Variants in PLCH1 observed in about 807,000 individuals in gnomAD.
The protein encoded by PLCH1 is 1-phosphatidylinositol 4,5-bisphosphate phosphodiesterase eta-1.
A neutral mutation model predicts 126.7 loss-of-function variants in PLCH1; 60 were observed. The observed-to-expected ratio is 0.47, with a 90% confidence interval of 0.38 to 0.59. The LOEUF (loss-of-function observed/expected upper bound fraction) is 0.59. Ranked by LOEUF, PLCH1 falls within the 20% of genes least tolerant of loss-of-function variation. PLCH1 has a pLI of 0.00. For synonymous variants in PLCH1, 719 were observed against 734.9 expected, an observed-to-expected ratio of 0.98 and a Z score of 0.35; for missense variants, 1,723 against 2,040.0, an observed-to-expected ratio of 0.84 and a Z score of 2.99.
downstream of PLCH1, among the ~76,000 whole-genome samples, chr3:155,477,072 A>G (rs188343847): frequency 1.5e-3 from 235 of 152,282 alleles, 1 homozygote; most frequent in African/African-American, 5.4e-3. Context: ...AATGGAACAC[A>G]ATAGAAAATG....
chr3:155,641,481 G>T (rs964006738), intron 2 of PLCH1, among the ~76,000 whole-genome samples: 1 of 151,980 alleles, frequency 6.6e-6, no homozygotes, highest in African/African-American at 2.4e-5. Context: ...AAAAGCTGAG[G>T]AATTTTATCA....
chr3:155,613,692 A>G (rs557054327), intron 2 of PLCH1, among the ~76,000 whole-genome samples: 322 of 152,306 alleles, frequency 2.1e-3, no homozygotes, highest in African/African-American at 7.2e-3. Flanking sequence ...CACAGACAAC[A>G]TATACTGAAT....
chr3:155,517,775 A>T, intron 11 of PLCH1, among the ~76,000 whole-genome samples: 1 of 152,210 alleles, frequency 6.6e-6, no homozygotes, highest in African/African-American at 2.4e-5. Context: ...AGTGGCCACA[A>T]ATGAACCCAC....
chr3:155,568,919 C>A (rs1290064385), intron 6 of PLCH1, among the ~76,000 whole-genome samples: 1 of 152,086 alleles, frequency 6.6e-6, no homozygotes, highest in Non-Finnish European at 1.5e-5. Flanking sequence ...AGACTGCTTG[C>A]GTTCAAATCA....
At chr3:155,596,728 A>G (rs9854381) in intron 2 of PLCH1, among the ~76,000 whole-genome samples, 2,236 of 152,298 alleles carry the variant, frequency 0.015, 56 homozygotes, top group African/African-American at 0.051. Flanking sequence ...AAGTCTTGTG[A>G]GTTTTTATAG....
chr3:155,726,403 T>G (rs1454270795), intron 1 of PLCH1, among the ~76,000 whole-genome samples: 1 of 152,232 alleles, frequency 6.6e-6, no homozygotes, highest in Non-Finnish European at 1.5e-5. Context: ...GATAATATTC[T>G]ATTGTCTTCT....
At chr3:155,473,571 A>G (rs927130087) in intron 21 of PLCH1, among the ~76,000 whole-genome samples, 53 of 151,478 alleles carry the variant, frequency 3.5e-4, no homozygotes, top group Middle Eastern at 3.2e-3. Flanking sequence ...ATTGGAAAAA[A>G]CTACTTTAAA....
In PLCH1 at chr3:155,671,992, A is replaced by T. The variant is rs145370132; in HGVS notation, c.79+32154T>A. Among the ~76,000 whole-genome samples the T allele has an allele frequency of 9.3e-3, 1,414 of 152,332 alleles. 13 individuals are homozygous for T. The highest frequency in any genetic ancestry group is 0.013 in the Non-Finnish European group (877 of 68,018). ...AATTTTTCAACTTTTTAAATTAACA[A>T]GGCGTAACAAAAAACTCTATTCACA... is the stretch of plus-strand genomic sequence containing the variant. On this transcript the variant is annotated intron_variant, in intron 2 of 22. Transcript: ENST00000460012.
At chr3:155,469,937 A>G (rs1713117384) in intron 21 of PLCH1, among the ~76,000 whole-genome samples, 3 of 152,320 alleles carry the variant, frequency 2.0e-5, no homozygotes, top group East Asian at 3.9e-4. Flanking sequence ...CATCATCATC[A>G]TCAAAGACCA....
At chr3:155,636,552 A>G (rs1174686923) in intron 2 of PLCH1, among the ~76,000 whole-genome samples, 1 of 152,086 alleles carries the variant, frequency 6.6e-6, no homozygotes, top group Non-Finnish European at 1.5e-5. Context: ...GTTCAAGACC[A>G]GCTGGCTAAC....
At chr3:155,593,112 G>C in intron 4 of PLCH1, among the ~76,000 whole-genome samples, 1 of 152,016 alleles carries the variant, frequency 6.6e-6, no homozygotes, top group Middle Eastern at 3.2e-3. Context: ...GACGGCAAGG[G>C]AGTAGCGCTA....
intron 2 of PLCH1, among the ~76,000 whole-genome samples, chr3:155,620,542 G>C (rs3908142): frequency 0.49 from 73,897 of 152,068 alleles, 20,351 homozygotes; most frequent in African/African-American, 0.74. Flanking sequence ...TGGTGGCAGG[G>C]ACATGAAGAC....
In PLCH1 at chr3:155,580,041, A is replaced by G. The variant is rs552168270; in HGVS notation, c.771+3431T>C. Among the ~76,000 whole-genome samples, 44 of 152,298 alleles carry G rather than the reference A, an allele frequency of 2.9e-4. 2 individuals are homozygous for G. The highest frequency in any genetic ancestry group is 6.2e-4 in the South Asian group (3 of 4,826). On this transcript the variant is annotated intron_variant, in intron 6 of 22. Transcript: ENST00000460012. ...TTCAAAAAATACAATTCAAAAACAA[A>G]CATGGAAAAACATTCATCCCTGCTA... is the stretch of plus-strand genomic sequence containing the variant.
rs147112874 is a variant in PLCH1 at position 155,578,826 on chromosome 3, C to T, written c.771+4646G>A. 4.2e-3 allele frequency among the ~76,000 whole-genome samples: 633 copies of T among 152,172 alleles called. 1 individual carries two copies. The highest frequency in any genetic ancestry group is 7.1e-3 in the Admixed American group (108 of 15,292). On this transcript the variant is annotated intron_variant, in intron 6 of 22. Transcript: ENST00000460012. ...AAAAGGAAAGGTATCTCCGGCCTTC[C>T]CCCCAGCCCTTCCACCCATAAAACC...
In PLCH1 at chr3:155,482,014, C is replaced by A; in HGVS notation, c.4012G>T (p.Ala1338Ser). The A allele has an allele frequency of 6.2e-7, 1 of 1,614,110 alleles. No individual in the cohort carries two copies. Among genetic ancestry groups the A allele is most frequent in the Non-Finnish European group, 8.5e-7 (1 of 1,179,984 alleles). The change falls in exon 23 of 23, where the codon GCT becomes TCT. Residue 1338 changes from alanine to serine, a missense_variant. Transcript: ENST00000460012. ...SPDLTLEDVIADPTLCFNSGE... is the reference protein window; with the variant it reads ...SPDLTLEDVISDPTLCFNSGE... ...GAATTGAAACAGAGAGTGGGATCAGCTATTACATCCTCCAGGGTCAAATCA... is the reference window on the plus strand; with the variant it reads ...GAATTGAAACAGAGAGTGGGATCAGATATTACATCCTCCAGGGTCAAATCA...
chr3:155,543,603 G>A (rs1021755426), intron 10 of PLCH1, among the ~76,000 whole-genome samples: 3 of 152,154 alleles, frequency 2.0e-5, no homozygotes, highest in Non-Finnish European at 4.4e-5. Flanking sequence ...CACCAAAGTT[G>A]AAATGACGGA....
At position 155,563,162 on chromosome 3, in the gene PLCH1, G is replaced by A. The variant is rs909176652; in HGVS notation, c.1069+1753C>T. On this transcript the variant is annotated intron_variant, in intron 8 of 22. Coordinates refer to ENST00000460012, the MANE Select transcript of PLCH1 (RefSeq NM_014996.4). ...TACTCCTAATCGTTGTATTGCTGAA[G>A]TCCTCAGGCCTCTTCCTCTTTTCCC... is the stretch of plus-strand genomic sequence containing the variant. Among the ~76,000 whole-genome samples the A allele has an allele frequency of 2.0e-5, 3 of 152,096 alleles. No individual in the cohort carries two copies. The South Asian group carries it at 6.2e-4, about 32-fold the overall frequency.
chr3:155,630,596 T>A (rs1737909688), intron 2 of PLCH1, among the ~76,000 whole-genome samples: 1 of 152,226 alleles, frequency 6.6e-6, no homozygotes, highest in Admixed American at 6.5e-5. Flanking sequence ...TCCTTTGGCA[T>A]ATACCGTCTA....
chr3:155,695,631 T>G (rs755252874), intron 2 of PLCH1, among the ~76,000 whole-genome samples: 3 of 152,282 alleles, frequency 2.0e-5, no homozygotes, highest in Non-Finnish European at 4.4e-5. Context: ...CTCCTGGACC[T>G]TGGGTTGGAG....
Sources: allele counts gnomAD v4.1 joint callset (sites outside exome capture counted in the v4.1 genomes callset), GRCh38; gene constraint gnomAD v4.1.1; transcripts MANE v1.5; gene names NCBI Gene and HGNC (gene_info 2026-07-23, HGNC 2026-07-21).